The following TRIM35 variants were observed in gnomAD, a reference collection of about 807,000 sequenced individuals.
TRIM35 encodes tripartite motif containing 35.
TRIM35 carries 37 observed loss-of-function variants against 49.1 expected under a neutral mutation model. That is an observed-to-expected ratio of 0.75 (90% CI 0.58 to 0.99). The LOEUF (loss-of-function observed/expected upper bound fraction) is 0.99, where lower values mean the gene tolerates loss of function less well. TRIM35 is among the 50% of genes least tolerant of loss of function. The pLI, the probability that TRIM35 is intolerant of heterozygous loss-of-function variation, is 0.00. For missense variants in TRIM35, 648 were observed against 702.7 expected (o/e 0.92, Z 0.88); for synonymous variants, 302 against 289.3 (o/e 1.04, Z -0.45).
chr8:27,300,817 T>C (rs1802669414), intron 1 of TRIM35, among the ~76,000 whole-genome samples: 1 of 152,220 alleles, frequency 6.6e-6, no homozygotes. Flanking sequence ...TTTTATAGAA[T>C]GAGATTTTTG....
intron 3 of TRIM35, 82 bp from the exon 4 acceptor site, chr8:27,290,260 T>G (rs1404710498): frequency 7.6e-7 from 1 of 1,320,586 alleles, no homozygotes; most frequent in Non-Finnish European, 1.1e-6. Flanking sequence ...AAAGAAGTCA[T>G]GCATTCCATG....
chr8:27,293,501 G>A (rs957494047), intron 3 of TRIM35, among the ~76,000 whole-genome samples: 2 of 151,926 alleles, frequency 1.3e-5, no homozygotes, highest in Non-Finnish European at 2.9e-5. Flanking sequence ...AAAAGGTAGA[G>A]ACCGGAAAAA....
intron 3 of TRIM35, among the ~76,000 whole-genome samples, chr8:27,291,114 A>C (rs962410724): frequency 8.8e-5 from 13 of 148,322 alleles, no homozygotes; most frequent in Non-Finnish European, 1.9e-4. Context: ...TACCATATAC[A>C]AAAAAAAAAC....
At chr8:27,307,413 C>A (rs1354291039) in intron 1 of TRIM35, among the ~76,000 whole-genome samples, 1 of 152,126 alleles carries the variant, frequency 6.6e-6, no homozygotes, top group African/African-American at 2.4e-5. Flanking sequence ...CTTGGAGACT[C>A]CTTCCCACAC....
Position 27,287,142 on chromosome 8 carries a change from C to T in TRIM35, c.*408G>A, listed in dbSNP as rs141973146. On this transcript the variant is annotated 3_prime_UTR_variant, in exon 6 of 6. Transcript: ENST00000305364. This position sits in a 1 kb window ranked among gnomAD's most constrained non-coding sequence, Gnocchi z 6.0. ...GTGGGGCTTTCCTATGTGGCCCCTC[C>T]TCTCAGAACCGTAAGTAACAAACTC... The T allele has an allele frequency of 1.9e-3, 313 of 163,788 alleles. 5 individuals carry two copies. The highest frequency in any genetic ancestry group is 0.015 in the Middle Eastern group (5 of 326). The allele number at this position is 163,788 out of a possible 1,614,324, so 10.1% of individuals were successfully genotyped here.
intron 1 of TRIM35, among the ~76,000 whole-genome samples, chr8:27,301,805 C>G (rs933858082): frequency 3.9e-5 from 6 of 152,180 alleles, no homozygotes; most frequent in African/African-American, 1.4e-4. Flanking sequence ...TTGTATAGCT[C>G]TGTAGTATTT....
chr8:27,310,864 C>T lies in TRIM35; in HGVS notation c.372G>A (p.Gln124=). 1.2e-6 allele frequency: 2 copies of T among 1,610,680 alleles called. No individual in the cohort carries two copies. Among genetic ancestry groups the T allele is most frequent in the Middle Eastern group, 1.7e-4 (1 of 6,040 alleles). Residue 124 remains glutamine, a synonymous_variant, in exon 1 of 6, where the codon CAG becomes CAA. Coordinates refer to ENST00000305364, the MANE Select transcript of TRIM35 (RefSeq NM_171982.5). ...GGTGCCCCTGGTGTCGGGGGTCGGC[C>T]TGGCAGGAGCAGCACAGCAGCTCCT... ...EDKELLCCSC[Q]ADPRHQGHRV...
intron 5 of TRIM35, 118 bp downstream of exon 5, chr8:27,289,044 A>G: frequency 1.4e-6 from 1 of 731,290 alleles, no homozygotes; most frequent in Non-Finnish European, 2.3e-6. Context: ...CAGCTGAGAG[A>G]GGAGGGGAGC....
At chr8:27,292,347 C>T (rs918931866) in intron 3 of TRIM35, among the ~76,000 whole-genome samples, 1 of 152,198 alleles carries the variant, frequency 6.6e-6, no homozygotes, top group Non-Finnish European at 1.5e-5. Flanking sequence ...CTTCTGTAAG[C>T]ACACTCCATG....
chr8:27,289,295 T>G lies in TRIM35; in HGVS notation c.786-15A>C, dbSNP rs1441822539. The G allele has an allele frequency of 6.2e-7, 1 of 1,609,018 alleles. No homozygotes were observed. Among genetic ancestry groups the G allele is most frequent in the Non-Finnish European group, 8.5e-7 (1 of 1,175,746 alleles). Reference sequence around the variant, plus strand: ...TGCAGAAGAGTCTGGAAAAGTACAATGGGTATGGTGGGCAGGGCCAGAGCC... The same window carrying G: ...TGCAGAAGAGTCTGGAAAAGTACAAGGGGTATGGTGGGCAGGGCCAGAGCC... On this transcript the variant is annotated splice_polypyrimidine_tract_variant and intron_variant, in intron 4 of 5. Coordinates refer to ENST00000305364, the MANE Select transcript of TRIM35 (RefSeq NM_171982.5).
At position 27,287,654 on chromosome 8, in the gene TRIM35, C is replaced by T. The variant is rs1404743019; in HGVS notation, c.1378G>A (p.Val460Ile). The change falls in exon 6 of 6, where the codon GTT (valine) becomes ATT (isoleucine). Residue 460 changes from valine to isoleucine, a missense_variant. By Grantham distance (29) the Val-to-Ile change is conservative (BLOSUM62 3). Transcript: ENST00000305364. This position sits in a 1 kb window ranked among gnomAD's most constrained non-coding sequence, Gnocchi z 6.0. ...CCCCCCAGGTAGAAGTAGGGGCGAA[C>T]CTCCCCAAAGCGGGCGTGGAAGGTG... is the stretch of plus-strand genomic sequence containing the variant. ...LYTFHARFGEVRPYFYLGGAR... is the reference protein window; with the variant it reads ...LYTFHARFGEIRPYFYLGGAR... The T allele has an allele frequency of 4.3e-6, 7 of 1,610,132 alleles. No homozygotes were observed. The African/African-American group carries it at 8.0e-5, about 18-fold the overall frequency.
chr8:27,292,547 G>C (rs971143735), intron 3 of TRIM35, among the ~76,000 whole-genome samples: 2 of 152,188 alleles, frequency 1.3e-5, no homozygotes, highest in African/African-American at 4.8e-5. Flanking sequence ...AGTCACAAAA[G>C]GTTACATGTT....
chr8:27,293,779 A>G (rs1802505068), intron 3 of TRIM35, among the ~76,000 whole-genome samples: 2 of 152,092 alleles, frequency 1.3e-5, no homozygotes, highest in South Asian at 4.1e-4. Flanking sequence ...ACTTGAGCCC[A>G]TGAGTTTGAG....
At position 27,287,353 on chromosome 8, in the gene TRIM35, C is replaced by T; in HGVS notation, c.*197G>A. 1 of 610,392 alleles carries T rather than the reference C, an allele frequency of 1.6e-6. No homozygotes were observed. Among genetic ancestry groups the T allele is most frequent in the Non-Finnish European group, 2.8e-6 (1 of 361,550 alleles). The allele number at this position is 610,392 out of a possible 1,614,324, so 37.8% of individuals were successfully genotyped here. On this transcript the variant is annotated 3_prime_UTR_variant, in exon 6 of 6. Transcript: ENST00000305364. This position sits in a 1 kb window ranked among gnomAD's most constrained non-coding sequence, Gnocchi z 6.0. ...GGCCAGCGAGGTGCCACCCGAATAG[C>T]TCCTGACCATGGGCACAGAAGGGAC...
In TRIM35 at chr8:27,287,427, G is replaced by C. The variant is rs1563435362; in HGVS notation, c.*123C>G. The C allele has an allele frequency of 2.9e-6, 3 of 1,045,946 alleles. No individual in the cohort carries two copies. Among genetic ancestry groups the C allele is most frequent in the East Asian group, 5.2e-5 (2 of 38,276 alleles). The allele number at this position is 1,045,946 out of a possible 1,614,324, so 64.8% of individuals were successfully genotyped here. ...TGGAGTCATGGAAAAGGACCAGGCA[G>C]GACAGGAGGAAGAGCCTGGCAAGGA... On this transcript the variant is annotated 3_prime_UTR_variant, in exon 6 of 6. Transcript: ENST00000305364. The surrounding 1 kb of genome is among the most constrained non-coding windows in gnomAD (Gnocchi z 6.0).
chr8:27,287,874 G>A lies in TRIM35; in HGVS notation c.1158C>T (p.His386=). Residue 386 remains histidine (H), a synonymous_variant, in exon 6 of 6, where the codon CAC becomes CAT. Transcript: ENST00000305364. The surrounding 1 kb of genome is among the most constrained non-coding windows in gnomAD (Gnocchi z 6.0). ...CCGAGCGTGTGTCGTGGTAGCAGCT[G>A]TGTGAGTGGCCCTCAGCGCCCGAGT... The part of the protein sequence containing the change: ...RQDSGAEGHS[H]SCYHDTRSGF... The A allele has an allele frequency of 3.7e-6, 6 of 1,613,198 alleles. No homozygotes were observed. Among genetic ancestry groups the A allele is most frequent in the Non-Finnish European group, 5.1e-6 (6 of 1,179,854 alleles).
chr8:27,287,572 A>T lies in TRIM35; in HGVS notation c.1460T>A (p.Val487Asp). Reference protein sequence around the residue: ...PLRICPLHISVKEELDG With the variant: ...PLRICPLHISDKEELDG ...AGCTCAGCCATCCAGTTCTTCCTTGACACTGATGTGCAAGGGGCAGATGCG... is the reference window on the plus strand; with the variant it reads ...AGCTCAGCCATCCAGTTCTTCCTTGTCACTGATGTGCAAGGGGCAGATGCG... The change falls in exon 6 of 6, where the codon GTC becomes GAC. Residue 487 changes from valine (V) to aspartate (D), a missense_variant. By Grantham distance (152) the Val-to-Asp change is radical. Transcript: ENST00000305364. This position sits in a 1 kb window ranked among gnomAD's most constrained non-coding sequence, Gnocchi z 6.0. The T allele has an allele frequency of 1.3e-6, 2 of 1,593,578 alleles. No individual in the cohort carries two copies. Among genetic ancestry groups the T allele is most frequent in the Admixed American group, 1.7e-5 (1 of 57,826 alleles).
rs372023727 is a variant in TRIM35 at position 27,290,147 on chromosome 8, G to C, written c.785+9C>G. The C allele has an allele frequency of 1.2e-6, 2 of 1,613,922 alleles. No individual in the cohort carries two copies. The highest frequency in any genetic ancestry group is 1.7e-6 in the Non-Finnish European group (2 of 1,179,968). Reference sequence around the variant, plus strand: ...CTTCCCCTCCCCTCCACCAGCTTTGGCAACTTACCGGCGTTTTCGGCTCTT... The same window carrying C: ...CTTCCCCTCCCCTCCACCAGCTTTGCCAACTTACCGGCGTTTTCGGCTCTT... On this transcript the variant is annotated intron_variant, in intron 4 of 5. Transcript: ENST00000305364.
In TRIM35 at chr8:27,310,853, CG is replaced by C; in HGVS notation, c.382del (p.Arg128AspfsTer10). On this transcript the variant is annotated frameshift_variant, in exon 1 of 6. Transcript: ENST00000305364. LOFTEE classifies it high-confidence loss of function. ...CGGCTGCACGCGGTGCCCCTGGTGT[CG>C]GGGGTCGGCCTGGCAGGAGCAGCAC... ...LLCCSCQADP[R>X]HQGHRVQPVK... 1.9e-6 allele frequency: 3 copies of C among 1,609,524 alleles called. No individual in the cohort carries two copies. Among genetic ancestry groups the C allele is most frequent in the Non-Finnish European group, 2.5e-6 (3 of 1,177,026 alleles).
Sources: gnomAD v4.1 joint callset for allele counts (sites outside exome capture counted in the v4.1 genomes callset) on GRCh38, gnomAD v4.1.1 for gene constraint, Gnocchi (gnomAD v3.1) non-coding constraint, MANE v1.5 for transcripts, NCBI Gene and HGNC (gene_info 2026-07-23, HGNC 2026-07-21) for gene names.